Variants in MYO1B observed in about 807,000 individuals in gnomAD.
MYO1B encodes the protein myosin IB.
Under a neutral mutation model 159.7 loss-of-function variants are expected in MYO1B, and 72 were observed. That is an observed-to-expected ratio of 0.45 (90% CI 0.37 to 0.55). The LOEUF is 0.55. Ranked by LOEUF, MYO1B falls within the 20% of genes least tolerant of loss-of-function variation. MYO1B has a pLI of 0.00. For missense variants in MYO1B, 1,062 were observed against 1,364.8 expected (o/e 0.78, Z 3.50); for synonymous variants, 468 against 473.8 (o/e 0.99, Z 0.16).
chr2:191,322,513 G>A (rs900215223), intron 3 of MYO1B, among the ~76,000 whole-genome samples: 2 of 152,116 alleles, frequency 1.3e-5, no homozygotes, highest in South Asian at 2.1e-4. Context: ...TTAGCAAGCT[G>A]GTCCTGGGCG....
intron 3 of MYO1B, among the ~76,000 whole-genome samples, chr2:191,313,192 C>CTTTTTTGTTTTT (rs1690118247): frequency 2.3e-5 from 1 of 42,992 alleles, no homozygotes; most frequent in Non-Finnish European, 3.7e-5. Context: ...GCACACATGG[C>CTTTTTTGTTTTT]TTTTTTTTTT....
rs562387700 is a variant in MYO1B at position 191,256,807 on chromosome 2, T to C, written c.-10+11181T>C. ...GAAGCCAGGGGTAGGCCTGCTCTAGTGGCATTCACAGGTGAAGTACCTTCC... is the reference window on the plus strand; with the variant it reads ...GAAGCCAGGGGTAGGCCTGCTCTAGCGGCATTCACAGGTGAAGTACCTTCC... On this transcript the variant is annotated intron_variant, in intron 1 of 30. Transcript: ENST00000392318. 8.5e-5 allele frequency among the ~76,000 whole-genome samples: 13 copies of C among 152,296 alleles called. No individual in the cohort carries two copies. The East Asian group carries it at 2.5e-3, about 29-fold the overall frequency.
chr2:191,340,276 G>A (rs974237719), intron 4 of MYO1B, among the ~76,000 whole-genome samples: 5 of 151,660 alleles, frequency 3.3e-5, no homozygotes, highest in African/African-American at 1.2e-4. Flanking sequence ...AGCAGTGCAC[G>A]CGATCATATT....
Position 191,414,037 on chromosome 2 carries a change from T to G in MYO1B, c.2874-11T>G, listed in dbSNP as rs755561150. On this transcript the variant is annotated splice_polypyrimidine_tract_variant and intron_variant, in intron 27 of 30. Transcript: ENST00000392318. ...AACTATTTCTAATGTGCAGGAATTTTTTTCCTTTAGTGTTGGGCAACCATT... is the reference window on the plus strand; with the variant it reads ...AACTATTTCTAATGTGCAGGAATTTGTTTCCTTTAGTGTTGGGCAACCATT... The G allele has an allele frequency of 3.2e-6, 5 of 1,584,222 alleles. No homozygotes were observed. The South Asian group carries it at 5.9e-5, about 19-fold the overall frequency.
At chr2:191,370,421 C>A in intron 13 of MYO1B, 129 bp downstream of exon 13, 1 of 671,206 alleles carries the variant, frequency 1.5e-6, no homozygotes, top group Non-Finnish European at 2.5e-6. Context: ...GTAGATGTAA[C>A]ACACTATCAC....
intron 4 of MYO1B, among the ~76,000 whole-genome samples, chr2:191,334,500 T>G (rs1188665346): frequency 6.6e-6 from 1 of 152,206 alleles, no homozygotes; most frequent in Non-Finnish European, 1.5e-5. Context: ...CATTCTTCTT[T>G]TTTATAGTTT....
intron 4 of MYO1B, among the ~76,000 whole-genome samples, chr2:191,339,800 C>G (rs1014575246): frequency 6.6e-6 from 1 of 152,298 alleles, no homozygotes; most frequent in Non-Finnish European, 1.5e-5. Flanking sequence ...GATTCTTGGT[C>G]TTCAGTGGCT....
intron 24 of MYO1B, among the ~76,000 whole-genome samples, chr2:191,406,477 T>G (rs1296085792): frequency 6.6e-6 from 1 of 152,222 alleles, no homozygotes; most frequent in Non-Finnish European, 1.5e-5. Context: ...AAGTAAGAAG[T>G]GTGTGACCCT....
At chr2:191,397,473 G>A (rs1017081830) in intron 21 of MYO1B, among the ~76,000 whole-genome samples, 1 of 152,014 alleles carries the variant, frequency 6.6e-6, no homozygotes, top group African/African-American at 2.4e-5. Context: ...ACCCTGAGTG[G>A]ACACAGCACA....
intron 3 of MYO1B, among the ~76,000 whole-genome samples, chr2:191,307,765 C>T (rs1689741367): frequency 6.6e-6 from 1 of 152,124 alleles, no homozygotes; most frequent in African/African-American, 2.4e-5. Context: ...TCCTCAGGTT[C>T]AATAATTTGC....
chr2:191,328,038 A>T (rs1691216817), intron 3 of MYO1B, among the ~76,000 whole-genome samples: 1 of 152,140 alleles, frequency 6.6e-6, no homozygotes. Context: ...GAGAGGGAAG[A>T]ATGTGATTCA....
At chr2:191,256,419 G>A (rs1686453929) in intron 1 of MYO1B, among the ~76,000 whole-genome samples, 1 of 152,116 alleles carries the variant, frequency 6.6e-6, no homozygotes, top group Admixed American at 6.5e-5. Context: ...GCAAGCACTT[G>A]GTGTAGATGT....
At chr2:191,354,615 A>G (rs958381028) in intron 7 of MYO1B, among the ~76,000 whole-genome samples, 6 of 152,112 alleles carry the variant, frequency 3.9e-5, no homozygotes, top group African/African-American at 1.4e-4. Flanking sequence ...ACTGCCTGAC[A>G]ACCCCCCGCC....
At chr2:191,386,105 C>T in intron 16 of MYO1B, 21 bp downstream of exon 16, 8 of 1,611,538 alleles carry the variant, frequency 5.0e-6, no homozygotes, top group Non-Finnish European at 6.8e-6. Flanking sequence ...GCTGTGAGCA[C>T]CCAGTCAGGC....
intron 2 of MYO1B, among the ~76,000 whole-genome samples, chr2:191,286,658 T>C (rs35098152): frequency 0.38 from 57,815 of 152,086 alleles, 11,182 homozygotes; most frequent in Middle Eastern, 0.52. Context: ...TTGGGTTGGG[T>C]GCCGTGGCTA....
chr2:191,302,322 C>T (rs1689386086), intron 3 of MYO1B, among the ~76,000 whole-genome samples: 1 of 152,138 alleles, frequency 6.6e-6, no homozygotes, highest in South Asian at 2.1e-4. Context: ...GTGGCTGTCT[C>T]CAGTGCTTTT....
At chr2:191,349,172 C>T (rs932505180) in intron 6 of MYO1B, among the ~76,000 whole-genome samples, 10 of 152,184 alleles carry the variant, frequency 6.6e-5, no homozygotes, top group South Asian at 4.1e-4. Context: ...GCCATGCTTT[C>T]GCTTGTGCCT....
At chr2:191,283,553 GTAT>G (rs1688188868) in intron 2 of MYO1B, among the ~76,000 whole-genome samples, 1 of 152,164 alleles carries the variant, frequency 6.6e-6, no homozygotes, top group Non-Finnish European at 1.5e-5. Context: ...CACTTTACAT[GTAT>G]TATTCATTTA....
intron 3 of MYO1B, among the ~76,000 whole-genome samples, chr2:191,317,057 T>A (rs538530883): frequency 7.2e-5 from 11 of 152,276 alleles, no homozygotes; most frequent in Non-Finnish European, 1.3e-4. Context: ...GTATTTGATT[T>A]GCGGAGGCCG....
Sources: allele counts gnomAD v4.1 joint callset (sites outside exome capture counted in the v4.1 genomes callset), GRCh38; gene constraint gnomAD v4.1.1; transcripts MANE v1.5; gene names NCBI Gene and HGNC (gene_info 2026-07-23, HGNC 2026-07-21).